PLCH1: variants seen among roughly 807,000 people sequenced by gnomAD.
PLCH1 encodes the protein 1-phosphatidylinositol 4,5-bisphosphate phosphodiesterase eta-1.
Under a neutral mutation model 126.7 loss-of-function variants are expected in PLCH1, and 60 were observed. The ratio of observed to expected loss-of-function variants is 0.47; its 90% CI spans 0.38 to 0.59. PLCH1 has a LOEUF of 0.59. Ranked by LOEUF, PLCH1 falls within the 20% of genes least tolerant of loss-of-function variation. The probability of loss-of-function intolerance (pLI) is 0.00; values close to 1 mark genes in which losing one functional copy is unlikely to be tolerated. For missense variants in PLCH1, 1,723 were observed against 2,040.0 expected (o/e 0.84, Z 2.99); for synonymous variants, 719 against 734.9 (o/e 0.98, Z 0.35).
At chr3:155,469,630 GACAA>G (rs770276186) in intron 21 of PLCH1, among the ~76,000 whole-genome samples, 8 of 151,564 alleles carry the variant, frequency 5.3e-5, no homozygotes, top group Non-Finnish European at 1.0e-4. Flanking sequence ...GCAGGGCACA[GACAA>G]ACAAAAAGAC....
chr3:155,576,947 G>A (rs906747157), intron 6 of PLCH1, among the ~76,000 whole-genome samples: 1 of 152,196 alleles, frequency 6.6e-6, no homozygotes, highest in South Asian at 2.1e-4. Context: ...GTTATAGATT[G>A]TAAAACTACT....
intron 10 of PLCH1, among the ~76,000 whole-genome samples, chr3:155,544,162 C>A (rs1474042812): frequency 4.6e-5 from 7 of 152,218 alleles, no homozygotes; most frequent in African/African-American, 1.7e-4. Context: ...CAGACACACA[C>A]ATAGGCTCAA....
chr3:155,563,905 C>A (rs565431404), intron 8 of PLCH1, among the ~76,000 whole-genome samples: 28 of 152,040 alleles, frequency 1.8e-4, no homozygotes, highest in Admixed American at 2.6e-4. Flanking sequence ...ATCAACCAAC[C>A]GGTGAAATTT....
intron 2 of PLCH1, among the ~76,000 whole-genome samples, chr3:155,669,532 T>C (rs1443165576): frequency 6.6e-6 from 1 of 152,228 alleles, no homozygotes. Context: ...GAGCCAAGAT[T>C]GTGCCACTGC....
intron 2 of PLCH1, among the ~76,000 whole-genome samples, chr3:155,661,258 A>T (rs1042418465): frequency 2.4e-4 from 36 of 152,140 alleles, no homozygotes; most frequent in African/African-American, 8.2e-4. Context: ...GAGAGCAGGG[A>T]GAGAGAGAGA....
intron 10 of PLCH1, among the ~76,000 whole-genome samples, chr3:155,536,561 A>G (rs1723383622): frequency 1.3e-5 from 2 of 152,342 alleles, no homozygotes; most frequent in South Asian, 4.1e-4. Flanking sequence ...GAATCAAACA[A>G]GTAGAAGAAA....
intron 10 of PLCH1, among the ~76,000 whole-genome samples, chr3:155,538,483 A>C (rs1560130300): frequency 1.3e-5 from 2 of 152,168 alleles, no homozygotes. Flanking sequence ...AAAGATAAAC[A>C]AAATTGATAG....
chr3:155,668,805 T>C (rs1320004017), intron 2 of PLCH1, among the ~76,000 whole-genome samples: 2 of 152,142 alleles, frequency 1.3e-5, no homozygotes, highest in East Asian at 3.8e-4. Context: ...GGCAGGAGAA[T>C]TGCCTGAGCC....
chr3:155,623,781 C>T (rs113102893), intron 2 of PLCH1, among the ~76,000 whole-genome samples: 19 of 151,692 alleles, frequency 1.3e-4, no homozygotes, highest in African/African-American at 2.4e-4. Context: ...TAAAAATATC[C>T]GAGGACCAGA....
intron 2 of PLCH1, among the ~76,000 whole-genome samples, chr3:155,696,852 GT>G (rs1167402739): frequency 6.6e-6 from 1 of 152,206 alleles, no homozygotes; most frequent in Non-Finnish European, 1.5e-5. Context: ...ATGAGAAAGA[GT>G]TGGAGAATCT....
chr3:155,723,113 G>A (rs556694509), intron 1 of PLCH1, among the ~76,000 whole-genome samples: 19 of 151,646 alleles, frequency 1.3e-4, no homozygotes, highest in South Asian at 4.2e-4. Context: ...GCACATAAAG[G>A]TGTTCATAGT....
intron 2 of PLCH1, among the ~76,000 whole-genome samples, chr3:155,637,238 G>A (rs1738836879): frequency 6.6e-6 from 1 of 152,188 alleles, no homozygotes; most frequent in Admixed American, 6.5e-5. Flanking sequence ...AAATAAAACT[G>A]ACTAGGATAA....
intron 21 of PLCH1, among the ~76,000 whole-genome samples, chr3:155,455,460 C>T (rs942725988): frequency 2.6e-5 from 4 of 152,180 alleles, no homozygotes; most frequent in African/African-American, 7.2e-5. Flanking sequence ...GATAAATGCT[C>T]CTAAGTGTGC....
rs191150524 is a variant in PLCH1, at chr3:155,668,190, A to G, written c.79+35956T>C. On this transcript the variant is annotated intron_variant, in intron 2 of 22. Transcript: ENST00000460012. ...TTGCAGTAACAATCAACAAGTTGAG[A>G]ACTTTCATCTGTTTGTTGCTCTCTG... Among the ~76,000 whole-genome samples the G allele has an allele frequency of 2.6e-5, 4 of 152,248 alleles. No individual in the cohort carries two copies. The East Asian group carries it at 7.7e-4, about 29-fold the overall frequency.
chr3:155,612,545 G>C (rs68059550), intron 2 of PLCH1, among the ~76,000 whole-genome samples: 73,415 of 151,280 alleles, frequency 0.49, 20,150 homozygotes, highest in African/African-American at 0.74. Flanking sequence ...AAAAAAAAAA[G>C]ATAAATGAAC....
intron 2 of PLCH1, among the ~76,000 whole-genome samples, chr3:155,690,089 C>T (rs947724795): frequency 8.0e-5 from 12 of 150,512 alleles, no homozygotes; most frequent in African/African-American, 2.7e-4. Flanking sequence ...AGCGCCAATA[C>T]GTCTTGCAGC....
At chr3:155,653,152 G>GATATAGATATAGATATAGAT (rs1740926097) in intron 2 of PLCH1, among the ~76,000 whole-genome samples, 1 of 103,990 alleles carries the variant, frequency 9.6e-6, no homozygotes, top group East Asian at 5.5e-4. Flanking sequence ...TATAGATATA[G>GATATAGATATAGATATAGAT]ATATAGATAT....
chr3:155,735,390 T>C (rs80277747), intron 1 of PLCH1, among the ~76,000 whole-genome samples: 2 of 147,828 alleles, frequency 1.4e-5, no homozygotes, highest in Non-Finnish European at 3.0e-5. Context: ...TCCCAACACT[T>C]TGGGAGGCCA....
At chr3:155,473,355 A>G (rs1713372790) in intron 21 of PLCH1, among the ~76,000 whole-genome samples, 1 of 152,216 alleles carries the variant, frequency 6.6e-6, no homozygotes, top group African/African-American at 2.4e-5. Context: ...ATACCTAGGA[A>G]TCCAACTTAC....
Sources: gnomAD v4.1 joint callset for allele counts (sites outside exome capture counted in the v4.1 genomes callset) on GRCh38, gnomAD v4.1.1 for gene constraint, MANE v1.5 for transcripts, NCBI Gene and HGNC (gene_info 2026-07-23, HGNC 2026-07-21) for gene names.